Variants in RHOQ observed in about 807,000 individuals in gnomAD.
RHOQ encodes the protein rho-related GTP-binding protein RhoQ.
RHOQ carries 7 observed loss-of-function variants against 25.8 expected under a neutral mutation model. The ratio of observed to expected loss-of-function variants is 0.27; its 90% CI spans 0.15 to 0.51. The LOEUF is 0.51. RHOQ is among the 20% of genes least tolerant of loss of function. The pLI is 0.97. For synonymous variants in RHOQ, 97 were observed against 98.6 expected (o/e 0.98, Z 0.10); for missense variants, 165 against 260.6 (o/e 0.63, Z 2.53).
Position 46,576,068 on chromosome 2 carries a change from G to T in RHOQ, c.202-19G>T, listed in dbSNP as rs1322056152. The T allele has an allele frequency of 2.5e-6, 4 of 1,576,086 alleles. No homozygotes were observed. The highest frequency in any genetic ancestry group is 3.4e-6 in the Non-Finnish European group (4 of 1,165,014). ...AATAGAAATGTAAATACATAATGAG[G>T]CTTTTCTTTGTTCCTCAGGAAGACT... On this transcript the variant is annotated intron_variant, in intron 2 of 4. Transcript: ENST00000238738. This position sits in a 1 kb window ranked among gnomAD's most constrained non-coding sequence, Gnocchi z 5.1.
At chr2:46,567,356 G>A (rs1355697399) in intron 2 of RHOQ, among the ~76,000 whole-genome samples, 2 of 151,720 alleles carry the variant, frequency 1.3e-5, no homozygotes, top group Non-Finnish European at 2.9e-5. Flanking sequence ...TTTCTGTGAT[G>A]GTAAGTAAAT....
intron 2 of RHOQ, among the ~76,000 whole-genome samples, chr2:46,547,516 A>G (rs889975532): frequency 2.6e-5 from 4 of 152,198 alleles, no homozygotes; most frequent in African/African-American, 4.8e-5. Context: ...ATCCCAGCAC[A>G]CTCAGAGCAC....
At chr2:46,545,076 A>G (rs1270976540) in intron 2 of RHOQ, among the ~76,000 whole-genome samples, 3 of 152,140 alleles carry the variant, frequency 2.0e-5, no homozygotes, top group Non-Finnish European at 2.9e-5. Flanking sequence ...AAGATAGAGA[A>G]CTGCTGGCAG....
At chr2:46,577,493 G>A (rs539549293) in intron 4 of RHOQ, among the ~76,000 whole-genome samples, 2 of 138,962 alleles carry the variant, frequency 1.4e-5, no homozygotes, top group East Asian at 2.2e-4. Context: ...TCTGCCTCCC[G>A]TGTTCATGCC....
chr2:46,584,225 T>A lies in RHOQ; in HGVS notation c.*3142T>A, dbSNP rs1669495413. On this transcript the variant is annotated 3_prime_UTR_variant, in exon 5 of 5. Coordinates refer to ENST00000238738, the MANE Select transcript of RHOQ (RefSeq NM_012249.4). ...AAATAAAATACTATGCATAGTTTAC[T>A]ATCTACGTAAAGCACTGAACTTTTT... Among the ~76,000 whole-genome samples the A allele has an allele frequency of 6.6e-6, 1 of 152,216 alleles. No individual in the cohort carries two copies. The highest frequency in any genetic ancestry group is 6.5e-5 in the Admixed American group (1 of 15,286).
At chr2:46,560,471 C>A in intron 2 of RHOQ, 2 of 416,028 alleles carry the variant, frequency 4.8e-6, no homozygotes, top group East Asian at 7.3e-5. Context: ...GGTGGATATT[C>A]TGTTCAGGGC....
At chr2:46,545,688 T>A (rs969968264) in intron 2 of RHOQ, among the ~76,000 whole-genome samples, 1 of 152,110 alleles carries the variant, frequency 6.6e-6, no homozygotes, top group African/African-American at 2.4e-5. Flanking sequence ...TTGAAGTAGT[T>A]ATACACACAG....
chr2:46,579,952 C>G (rs1295665692), intron 4 of RHOQ: 2 of 152,324 alleles, frequency 1.3e-5, no homozygotes, highest in East Asian at 1.9e-4. Context: ...AATCCAGACA[C>G]TTTTTTCTAA....
chr2:46,551,486 CA>C (rs1234327777), intron 2 of RHOQ, among the ~76,000 whole-genome samples: 2 of 151,820 alleles, frequency 1.3e-5, no homozygotes, highest in African/African-American at 4.8e-5. Flanking sequence ...GGGGTGACCC[CA>C]AAGCGTCTTT....
chr2:46,584,620 A>G lies in RHOQ; in HGVS notation c.*3537A>G, dbSNP rs1039110099. Among the ~76,000 whole-genome samples, 3 of 152,176 alleles carry G rather than the reference A, an allele frequency of 2.0e-5. No homozygotes were observed. Among genetic ancestry groups the G allele is most frequent in the African/African-American group, 4.8e-5 (2 of 41,452 alleles). Reference sequence around the variant, plus strand: ...TACGGCTTGGAACACTTGGTTATTCATGTTATGTAAATCAAGAAGTGCATG... The same window carrying G: ...TACGGCTTGGAACACTTGGTTATTCGTGTTATGTAAATCAAGAAGTGCATG... On this transcript the variant is annotated 3_prime_UTR_variant, in exon 5 of 5. Coordinates refer to ENST00000238738, the MANE Select transcript of RHOQ (RefSeq NM_012249.4).
chr2:46,562,793 T>A (rs1224986951), intron 2 of RHOQ, among the ~76,000 whole-genome samples: 1 of 152,188 alleles, frequency 6.6e-6, no homozygotes, highest in Non-Finnish European at 1.5e-5. Flanking sequence ...ATACCTGACT[T>A]TAGTCCTTGC....
rs569640145 is a variant in RHOQ at position 46,554,208 on chromosome 2, G to A, written c.201+10396G>A. ...CCCTCATTTCTAGTTCTTTACACAT[G>A]GTTGAGATTATCCGTAATTACTGGA... On this transcript the variant is annotated intron_variant, in intron 2 of 4. Coordinates refer to ENST00000238738, the MANE Select transcript of RHOQ (RefSeq NM_012249.4). Among the ~76,000 whole-genome samples, 4 of 151,580 alleles carry A rather than the reference G, an allele frequency of 2.6e-5. No individual in the cohort carries two copies. In the South Asian group the frequency reaches 8.3e-4, roughly 32 times the overall value.
intron 2 of RHOQ, among the ~76,000 whole-genome samples, chr2:46,557,736 T>C (rs1435744864): frequency 1.3e-5 from 2 of 152,240 alleles, no homozygotes; most frequent in East Asian, 1.9e-4. Flanking sequence ...TTACTTCTCC[T>C]GCAGAAAAGA....
intron 2 of RHOQ, among the ~76,000 whole-genome samples, chr2:46,563,209 C>T (rs1668624823): frequency 6.6e-6 from 1 of 152,138 alleles, no homozygotes; most frequent in Non-Finnish European, 1.5e-5. Context: ...GGGAGAGGGT[C>T]CTACACTCGT....
intron 2 of RHOQ, among the ~76,000 whole-genome samples, chr2:46,573,183 C>T (rs1668992906): frequency 6.6e-6 from 1 of 152,064 alleles, no homozygotes; most frequent in Non-Finnish European, 1.5e-5. Context: ...CCTGCCTCAG[C>T]CTTCCGAATA....
In RHOQ at chr2:46,581,146, G is replaced by C. The variant is rs1669353644; in HGVS notation, c.*63G>C. 1 of 1,324,582 alleles carries C rather than the reference G, an allele frequency of 7.5e-7. No individual in the cohort carries two copies. Among genetic ancestry groups the C allele is most frequent in the South Asian group, 1.5e-5 (1 of 65,744 alleles). The allele number at this position is 1,324,582 out of a possible 1,614,324, so 82.1% of individuals were successfully genotyped here. A position where few individuals can be genotyped will look rare whatever the true frequency, so the allele number is the denominator to read the frequency against. ...CTCAGAAAGCAAATGAAATGCTACA[G>C]CTATACCCAGACCTTTTATAGGTAA... On this transcript the variant is annotated 3_prime_UTR_variant, in exon 5 of 5. Coordinates refer to ENST00000238738, the MANE Select transcript of RHOQ (RefSeq NM_012249.4).
Position 46,584,144 on chromosome 2 carries a change from G to A in RHOQ, c.*3061G>A, listed in dbSNP as rs1414260276. 3.3e-5 allele frequency among the ~76,000 whole-genome samples: 5 copies of A among 152,106 alleles called. No individual in the cohort carries two copies. In the East Asian group the frequency reaches 9.6e-4, roughly 29 times the overall value. On this transcript the variant is annotated 3_prime_UTR_variant, in exon 5 of 5. Transcript: ENST00000238738. ...CAAATTAAATACCAGTTTGTTGGTT[G>A]TTACTTTTAAATGATTGTTACTTTA...
At position 46,576,592 on chromosome 2, in the gene RHOQ, C is replaced by T. The variant is rs780471058; in HGVS notation, c.398C>T (p.Ala133Val). 5 of 1,608,928 alleles carry T rather than the reference C, an allele frequency of 3.1e-6. No individual in the cohort carries two copies. In the Admixed American group the frequency reaches 8.4e-5, roughly 27 times the overall value. The change falls in exon 4 of 5, where the codon GCA becomes GTA. Residue 133 changes from alanine (A) to valine (V), a missense_variant. Ala to Val is a moderately conservative substitution (Grantham distance 64). Coordinates refer to ENST00000238738, the MANE Select transcript of RHOQ (RefSeq NM_012249.4). This position sits in a 1 kb window ranked among gnomAD's most constrained non-coding sequence, Gnocchi z 5.1. ...CTCCGAGATGACCCCAAAACTTTAGCAAGACTGAATGATATGAAAGAAAAA... is the reference window on the plus strand; with the variant it reads ...CTCCGAGATGACCCCAAAACTTTAGTAAGACTGAATGATATGAAAGAAAAA... The part of the protein sequence containing the change: ...IDLRDDPKTL[A>V]RLNDMKEKPI...
chr2:46,572,471 G>A (rs1281351961), intron 2 of RHOQ, among the ~76,000 whole-genome samples: 7 of 152,100 alleles, frequency 4.6e-5, no homozygotes, highest in Non-Finnish European at 8.8e-5. Context: ...GGGACAGCCT[G>A]AACACTAAGC....
Sources: gnomAD v4.1 joint callset for allele counts (sites outside exome capture counted in the v4.1 genomes callset) on GRCh38, gnomAD v4.1.1 for gene constraint, Gnocchi (gnomAD v3.1) non-coding constraint, MANE v1.5 for transcripts, NCBI Gene and HGNC (gene_info 2026-07-23, HGNC 2026-07-21) for gene names.